Variants in LOC128092253 observed in about 807,000 individuals in gnomAD.
At chr6:133,960,786 T>C in the LOC128092253 span, among the ~76,000 whole-genome samples, 1 of 152,186 alleles carries the variant, frequency 6.6e-6, no homozygotes, top group African/African-American at 2.4e-5. Flanking sequence ...TGACCGGCTA[T>C]AGTGGAATTA....
chr6:133,970,336 A>C, the LOC128092253 span, among the ~76,000 whole-genome samples: 3 of 152,260 alleles, frequency 2.0e-5, no homozygotes, highest in East Asian at 5.8e-4. Context: ...TAATTTGATA[A>C]ATTCTGGATA....
chr6:133,960,198 C>T, the LOC128092253 span, among the ~76,000 whole-genome samples: 1 of 152,188 alleles, frequency 6.6e-6, no homozygotes, highest in Non-Finnish European at 1.5e-5. Context: ...GCAGGGATCA[C>T]AGACAACCAT....
chr6:133,961,216 A>T, the LOC128092253 span, among the ~76,000 whole-genome samples: 1 of 152,148 alleles, frequency 6.6e-6, no homozygotes, highest in African/African-American at 2.4e-5. Context: ...TTCTTAAGGT[A>T]TTCATTTAAT....
chr6:133,966,291 G>A, the LOC128092253 span, among the ~76,000 whole-genome samples: 2 of 152,108 alleles, frequency 1.3e-5, no homozygotes, highest in African/African-American at 4.8e-5. Context: ...CTACCAAGGA[G>A]ACTATAAATA....
At chr6:133,969,252 T>C in the LOC128092253 span, among the ~76,000 whole-genome samples, 8 of 94,600 alleles carry the variant, frequency 8.5e-5, no homozygotes, top group African/African-American at 4.7e-4. Flanking sequence ...TAAAATACAC[T>C]TTTTTTTTTT....
chr6:133,976,118 G>C, the LOC128092253 span, among the ~76,000 whole-genome samples: 2 of 152,072 alleles, frequency 1.3e-5, no homozygotes, highest in African/African-American at 4.8e-5. Flanking sequence ...TTGTGTCAAA[G>C]GGCTTGTAGG....
At chr6:133,959,248 C>T in the LOC128092253 span, among the ~76,000 whole-genome samples, 2 of 152,138 alleles carry the variant, frequency 1.3e-5, no homozygotes, top group Non-Finnish European at 2.9e-5. Flanking sequence ...CCATGTTGGC[C>T]AGGCTAGCCT....
chr6:133,976,077 G>T, the LOC128092253 span, among the ~76,000 whole-genome samples: 1 of 152,090 alleles, frequency 6.6e-6, no homozygotes, highest in Admixed American at 6.5e-5. Context: ...GAAATATAAT[G>T]AAATGTACTG....
At chr6:133,970,841 G>A in the LOC128092253 span, among the ~76,000 whole-genome samples, 200 of 152,132 alleles carry the variant, frequency 1.3e-3, 1 homozygote, top group African/African-American at 4.5e-3. Flanking sequence ...ATTGACACAT[G>A]ATTGTACATA....
At chr6:133,974,414 A>C in the LOC128092253 span, among the ~76,000 whole-genome samples, 1 of 152,064 alleles carries the variant, frequency 6.6e-6, no homozygotes, top group East Asian at 1.9e-4. Flanking sequence ...GCTCACTGCA[A>C]CCTCCGCCTC....
At chr6:133,965,671 A>G in the LOC128092253 span, among the ~76,000 whole-genome samples, 8 of 151,928 alleles carry the variant, frequency 5.3e-5, no homozygotes, top group African/African-American at 1.9e-4. Flanking sequence ...TTCACTTAAC[A>G]GATACATCAA....
the LOC128092253 span, among the ~76,000 whole-genome samples, chr6:133,970,513 G>A: frequency 5.0e-4 from 76 of 152,134 alleles, 1 homozygote; most frequent in Non-Finnish European, 1.0e-3. Flanking sequence ...TTAAACAGCT[G>A]TTAGAAATTA....
the LOC128092253 span, among the ~76,000 whole-genome samples, chr6:133,977,472 C>G: frequency 6.6e-6 from 1 of 152,006 alleles, no homozygotes; most frequent in East Asian, 1.9e-4. Context: ...GTGTTGTCCC[C>G]TCAGGCAGAA....
At chr6:133,967,009 G>A in the LOC128092253 span, among the ~76,000 whole-genome samples, 2 of 152,042 alleles carry the variant, frequency 1.3e-5, no homozygotes, top group Non-Finnish European at 2.9e-5. Context: ...AATTCTGAAC[G>A]TGGCATAGAA....
chr6:133,976,896 A>T, the LOC128092253 span, among the ~76,000 whole-genome samples: 1 of 150,852 alleles, frequency 6.6e-6, no homozygotes, highest in Non-Finnish European at 1.5e-5. Context: ...TGAATCCAGG[A>T]GGCGGAGGTT....
the LOC128092253 span, among the ~76,000 whole-genome samples, chr6:133,979,046 T>A: frequency 2.0e-5 from 3 of 152,164 alleles, no homozygotes; most frequent in Non-Finnish European, 4.4e-5. Flanking sequence ...TGGGGCTTGT[T>A]TGTTTGTATA....
the LOC128092253 span, among the ~76,000 whole-genome samples, chr6:133,973,306 T>A: frequency 6.6e-6 from 1 of 152,182 alleles, no homozygotes; most frequent in Non-Finnish European, 1.5e-5. Flanking sequence ...ATTTCTTAGA[T>A]CATAGATGGT....
At chr6:133,978,028 G>T in the LOC128092253 span, among the ~76,000 whole-genome samples, 12 of 152,194 alleles carry the variant, frequency 7.9e-5, no homozygotes, top group Admixed American at 6.5e-4. Flanking sequence ...GGCTATACCA[G>T]TTGTTGCCAG....
At chr6:133,977,420 AC>A in the LOC128092253 span, among the ~76,000 whole-genome samples, 17 of 151,940 alleles carry the variant, frequency 1.1e-4, no homozygotes, top group Admixed American at 3.9e-4. Context: ...GATTTTCTTT[AC>A]CCCTTTTTTT....
Sources: allele counts gnomAD v4.1 joint callset (sites outside exome capture counted in the v4.1 genomes callset), GRCh38; gene constraint gnomAD v4.1.1; transcripts MANE v1.5.